CC2D2B: variants seen among roughly 807,000 people sequenced by gnomAD.
CC2D2B encodes the protein protein CC2D2B.
CC2D2B carries 128 observed loss-of-function variants against 161.2 expected under a neutral mutation model. The ratio of observed to expected loss-of-function variants is 0.79; its 90% CI spans 0.69 to 0.92. The LOEUF is 0.92. CC2D2B is among the 40% of genes least tolerant of loss of function. CC2D2B has a pLI of 0.00. For missense variants in CC2D2B, 1,173 were observed against 1,375.1 expected, an observed-to-expected ratio of 0.85 and a Z score of 2.32; for synonymous variants, 391 against 449.8, an observed-to-expected ratio of 0.87 and a Z score of 1.65.
intron 1 of CC2D2B, among the ~76,000 whole-genome samples, chr10:95,909,591 A>G (rs891425752): frequency 3.3e-5 from 5 of 152,222 alleles, no homozygotes; most frequent in African/African-American, 1.2e-4. Context: ...ATTTAGAAAT[A>G]TTTCTAACAA....
chr10:96,029,258 A>G (rs1184556331), intron 34 of CC2D2B, among the ~76,000 whole-genome samples: 4 of 40,410 alleles, frequency 9.9e-5, no homozygotes, highest in South Asian at 1.7e-3. Context: ...ATATATATAT[A>G]TATATATATA....
chr10:95,954,773 A>G (rs1172709602), intron 10 of CC2D2B, among the ~76,000 whole-genome samples: 1 of 152,108 alleles, frequency 6.6e-6, no homozygotes, highest in African/African-American at 2.4e-5. Context: ...TATGTCTTCC[A>G]GTGAAAGTTT....
At chr10:95,947,082 A>AAAAAAAAATATATATAT (rs1467752343) in intron 9 of CC2D2B, among the ~76,000 whole-genome samples, 1 of 39,484 alleles carries the variant, frequency 2.5e-5, no homozygotes, top group African/African-American at 8.9e-5. Context: ...TGGACTCAAA[A>AAAAAAAAATATATATAT]ATATATATAT....
At position 96,032,117 on chromosome 10, in the gene CC2D2B, TG is replaced by T; in HGVS notation, c.*112del. The T allele has an allele frequency of 1.2e-6, 1 of 817,992 alleles. No individual in the cohort carries two copies. Among genetic ancestry groups the T allele is most frequent in the Non-Finnish European group, 1.9e-6 (1 of 529,708 alleles). 50.7% of individuals were successfully genotyped at this position (817,992 alleles called of 1,614,324 possible). ...TTTATTCTCAAGTCCAGCTAAGTGC[TG>T]GGCCCAATTTTTGATTCACTTACAG... On this transcript the variant is annotated 3_prime_UTR_variant, in exon 35 of 35. Coordinates refer to ENST00000646931, the MANE Select transcript of CC2D2B (RefSeq NM_001349008.3).
At chr10:95,965,374 G>C (rs1413104486) in intron 12 of CC2D2B, among the ~76,000 whole-genome samples, 2 of 152,032 alleles carry the variant, frequency 1.3e-5, no homozygotes, top group African/African-American at 2.4e-5. Context: ...GGATTAGCTA[G>C]TAGTAGTAGT....
chr10:95,985,038 G>A (rs890986778), intron 19 of CC2D2B, among the ~76,000 whole-genome samples: 1 of 152,114 alleles, frequency 6.6e-6, no homozygotes, highest in African/African-American at 2.4e-5. Flanking sequence ...TCACTTGTAA[G>A]AGCAATAAAG....
intron 2 of CC2D2B, among the ~76,000 whole-genome samples, chr10:95,917,031 G>A (rs981082790): frequency 2.6e-5 from 4 of 152,050 alleles, no homozygotes; most frequent in African/African-American, 7.2e-5. Flanking sequence ...CTATCTCTCC[G>A]TTTAGCTCTA....
At chr10:96,005,212 A>G (rs994499797) in intron 25 of CC2D2B, among the ~76,000 whole-genome samples, 3 of 152,216 alleles carry the variant, frequency 2.0e-5, no homozygotes, top group South Asian at 2.1e-4. Flanking sequence ...TTTTCTCTCA[A>G]AAGTGAATTA....
chr10:95,983,332 G>T (rs746878721), intron 18 of CC2D2B, among the ~76,000 whole-genome samples: 4 of 152,328 alleles, frequency 2.6e-5, no homozygotes, highest in Non-Finnish European at 5.9e-5. Flanking sequence ...GATAGGAACA[G>T]TCTCATCTGC....
At chr10:95,936,349 G>A (rs2075820699) in intron 6 of CC2D2B, among the ~76,000 whole-genome samples, 1 of 152,180 alleles carries the variant, frequency 6.6e-6, no homozygotes, top group Admixed American at 6.5e-5. Context: ...GTTTGAGTGT[G>A]GCACCTTCCT....
intron 28 of CC2D2B, among the ~76,000 whole-genome samples, chr10:96,013,472 A>C (rs1240567168): frequency 6.7e-6 from 1 of 148,154 alleles, no homozygotes; most frequent in East Asian, 2.0e-4. Context: ...TTATTGTAAT[A>C]TTTAAAATTT....
intron 25 of CC2D2B, 116 bp from the exon 26 acceptor site, chr10:96,009,709 T>C (rs7913835): frequency 0.62 from 291,918 of 473,370 alleles, 90,844 homozygotes; most frequent in East Asian, 0.81. Context: ...TTTCTATTTA[T>C]CTTTTGATTT....
intron 9 of CC2D2B, among the ~76,000 whole-genome samples, chr10:95,945,111 G>T (rs1418980867): frequency 1.3e-5 from 2 of 152,212 alleles, no homozygotes; most frequent in Non-Finnish European, 2.9e-5. Flanking sequence ...ATGAGATGTG[G>T]TGTCTTAATC....
In CC2D2B at chr10:95,950,121, A is replaced by G. The variant is rs2141343033; in HGVS notation, c.1011+16A>G. The G allele has an allele frequency of 2.5e-6, 1 of 398,740 alleles. No homozygotes were observed. Among genetic ancestry groups the G allele is most frequent in the Non-Finnish European group, 4.4e-6 (1 of 225,882 alleles). 24.7% of individuals were successfully genotyped at this position (398,740 alleles called of 1,614,324 possible). On this transcript the variant is annotated intron_variant, in intron 10 of 34. Transcript: ENST00000646931. ...TTATGAGAAGGTGAGAATGGCTTTC[A>G]TTATAAAGCTAAACATTTAATATTG... is the stretch of plus-strand genomic sequence containing the variant.
chr10:95,992,780 C>A (rs996283099), intron 22 of CC2D2B, 83 bp downstream of exon 22: 2 of 943,802 alleles, frequency 2.1e-6, no homozygotes, highest in Non-Finnish European at 2.8e-6. Context: ...TATTTGTAAA[C>A]CTTTGCACTT....
chr10:95,908,221 G>T (rs1488417769), intron 1 of CC2D2B, among the ~76,000 whole-genome samples, 164 bp downstream of exon 1: 2 of 152,222 alleles, frequency 1.3e-5, no homozygotes, highest in Non-Finnish European at 2.9e-5. Context: ...CTGGCCGACC[G>T]GTTTGTTAGC....
intron 5 of CC2D2B, among the ~76,000 whole-genome samples, chr10:95,926,907 G>A (rs1264439492): frequency 7.0e-6 from 1 of 142,682 alleles, no homozygotes; most frequent in African/African-American, 2.5e-5. Context: ...CCAAAAACAA[G>A]GAGAGAAAAG....
intron 3 of CC2D2B, among the ~76,000 whole-genome samples, chr10:95,922,384 G>A (rs1378362256): frequency 1.3e-5 from 2 of 152,106 alleles, no homozygotes; most frequent in African/African-American, 4.8e-5. Flanking sequence ...CAAATCTCAG[G>A]GAGGAAAATA....
At chr10:96,015,027 A>G (rs941422501) in intron 29 of CC2D2B, among the ~76,000 whole-genome samples, 1 of 151,734 alleles carries the variant, frequency 6.6e-6, no homozygotes, top group Non-Finnish European at 1.5e-5. Flanking sequence ...TGGCCCCCAC[A>G]GCCCCTTCTC....
Sources: allele counts gnomAD v4.1 joint callset (sites outside exome capture counted in the v4.1 genomes callset), GRCh38; gene constraint gnomAD v4.1.1; transcripts MANE v1.5; gene names NCBI Gene and HGNC (gene_info 2026-07-23, HGNC 2026-07-21).